Variants in METAP1 observed in about 807,000 individuals in gnomAD.
METAP1 encodes methionine aminopeptidase 1.
A neutral mutation model predicts 53.8 loss-of-function variants in METAP1; 28 were observed. That is an observed-to-expected ratio of 0.52 (90% CI 0.39 to 0.71). The LOEUF (loss-of-function observed/expected upper bound fraction) is 0.71. METAP1 is among the 30% of genes least tolerant of loss of function. METAP1 has a pLI of 0.00. For synonymous variants in METAP1, 181 were observed against 165.7 expected (o/e 1.09, Z -0.71); for missense variants, 389 against 479.8 (o/e 0.81, Z 1.77).
At chr4:99,052,579 A>G (rs771370668) in intron 9 of METAP1, among the ~76,000 whole-genome samples, 3 of 152,206 alleles carry the variant, frequency 2.0e-5, no homozygotes, top group Non-Finnish European at 4.4e-5. Context: ...ACTGTGCAGT[A>G]CCAAGGGAGG....
At chr4:99,047,099 A>G (rs1726323489) in intron 8 of METAP1, among the ~76,000 whole-genome samples, 1 of 152,112 alleles carries the variant, frequency 6.6e-6, no homozygotes, top group African/African-American at 2.4e-5. Flanking sequence ...TCCTTTGTAT[A>G]TATCATTTTT....
intron 1 of METAP1, among the ~76,000 whole-genome samples, chr4:98,999,114 T>C (rs1722797037): frequency 6.6e-6 from 1 of 151,980 alleles, no homozygotes; most frequent in African/African-American, 2.4e-5. Flanking sequence ...GCCGAGAATG[T>C]CTGTTTTTTA....
At chr4:99,021,647 G>A (rs62325182) in intron 1 of METAP1, among the ~76,000 whole-genome samples, 3,759 of 152,218 alleles carry the variant, frequency 0.025, 56 homozygotes, top group Non-Finnish European at 0.035. Flanking sequence ...AAAGGAGACA[G>A]GGACATTTAT....
At chr4:99,044,503 G>A (rs1045367039) in intron 7 of METAP1, among the ~76,000 whole-genome samples, 1 of 152,134 alleles carries the variant, frequency 6.6e-6, no homozygotes, top group Non-Finnish European at 1.5e-5. Flanking sequence ...TTTATTATAT[G>A]TAGAATGTGT....
At chr4:99,051,382 G>T (rs928096250) in intron 9 of METAP1, among the ~76,000 whole-genome samples, 1 of 152,030 alleles carries the variant, frequency 6.6e-6, no homozygotes, top group South Asian at 2.1e-4. Flanking sequence ...AAAGACCCAG[G>T]TGTACTTTAT....
chr4:99,012,165 T>C lies in METAP1; in HGVS notation c.114+16298T>C, dbSNP rs565624326. ...GTCCTTCCCACCTCAGTCTTCCTTATTGCCTATTAATTTCTAATATTTATT... is the reference window on the plus strand; with the variant it reads ...GTCCTTCCCACCTCAGTCTTCCTTACTGCCTATTAATTTCTAATATTTATT... On this transcript the variant is annotated intron_variant, in intron 1 of 10. Coordinates refer to ENST00000296411, the MANE Select transcript of METAP1 (RefSeq NM_015143.3). Among the ~76,000 whole-genome samples, 118 of 152,264 alleles carry C rather than the reference T, an allele frequency of 7.7e-4. 1 individual carries two copies. In the South Asian group the frequency reaches 0.023, roughly 30 times the overall value.
intron 1 of METAP1, among the ~76,000 whole-genome samples, chr4:99,021,572 G>C (rs550030144): frequency 3.3e-5 from 5 of 152,154 alleles, no homozygotes; most frequent in African/African-American, 9.6e-5. Context: ...CTCTCAGCAA[G>C]GCTAGTTTAC....
chr4:99,045,433 C>A, intron 8 of METAP1, 123 bp downstream of exon 8: 1 of 1,083,584 alleles, frequency 9.2e-7, no homozygotes, highest in Non-Finnish European at 1.3e-6. Flanking sequence ...CCTGAGTTAG[C>A]TTTGGTTGTT....
chr4:99,034,219 C>T lies in METAP1; in HGVS notation c.167-11C>T. On this transcript the variant is annotated splice_polypyrimidine_tract_variant and intron_variant, in intron 2 of 10. Transcript: ENST00000296411. ...CCTCCTTCCTCTCATATCTATTCCTCCGTCTCCCAGAAGATGAAAAGGCGA... is the reference window on the plus strand; with the variant it reads ...CCTCCTTCCTCTCATATCTATTCCTTCGTCTCCCAGAAGATGAAAAGGCGA... 1 of 1,488,440 alleles carries T rather than the reference C, an allele frequency of 6.7e-7. No individual in the cohort carries two copies. The highest frequency in any genetic ancestry group is 9.2e-7 in the Non-Finnish European group (1 of 1,089,726). 92.2% of individuals were successfully genotyped at this position (1,488,440 alleles called of 1,614,324 possible).
intron 1 of METAP1, among the ~76,000 whole-genome samples, chr4:99,003,734 A>G (rs1723029580): frequency 6.6e-6 from 1 of 152,210 alleles, no homozygotes; most frequent in South Asian, 2.1e-4. Context: ...CTGTTCTCAT[A>G]CCACAACAGT....
intron 1 of METAP1, among the ~76,000 whole-genome samples, chr4:99,000,602 G>T (rs1029977656): frequency 4.6e-5 from 7 of 150,982 alleles, no homozygotes; most frequent in African/African-American, 1.7e-4. Context: ...CCAATAATAG[G>T]TTCTTTAAAA....
At chr4:99,047,333 A>G (rs1297186759) in intron 8 of METAP1, among the ~76,000 whole-genome samples, 1 of 152,190 alleles carries the variant, frequency 6.6e-6, no homozygotes, top group Non-Finnish European at 1.5e-5. Flanking sequence ...TTTGACAACC[A>G]GAAATATTAA....
intron 2 of METAP1, among the ~76,000 whole-genome samples, chr4:99,031,878 A>G (rs1363145700): frequency 6.6e-6 from 1 of 152,214 alleles, no homozygotes; most frequent in East Asian, 1.9e-4. Flanking sequence ...CACTACCTGC[A>G]TTTTACCTGG....
intron 1 of METAP1, among the ~76,000 whole-genome samples, chr4:98,999,942 AG>A (rs1248130408): frequency 3.3e-5 from 5 of 152,148 alleles, no homozygotes; most frequent in Non-Finnish European, 5.9e-5. Flanking sequence ...CCTATTTAAT[AG>A]TTTATGTATG....
chr4:99,050,435 G>A (rs1409949578), intron 9 of METAP1, among the ~76,000 whole-genome samples: 1 of 152,222 alleles, frequency 6.6e-6, no homozygotes. Flanking sequence ...AGTTGTTGCT[G>A]TAGTGCAGGT....
At chr4:99,051,446 A>G (rs1019031755) in intron 9 of METAP1, among the ~76,000 whole-genome samples, 1 of 152,062 alleles carries the variant, frequency 6.6e-6, no homozygotes, top group Non-Finnish European at 1.5e-5. Context: ...GCTAAAGTGT[A>G]GTGGTGCAGT....
intron 1 of METAP1, among the ~76,000 whole-genome samples, chr4:99,016,422 C>T (rs1723770217): frequency 6.6e-6 from 1 of 152,074 alleles, no homozygotes; most frequent in South Asian, 2.1e-4. Flanking sequence ...AGGAGGGGTG[C>T]CACCGAATGT....
chr4:99,055,295 G>A (rs1727022401), intron 9 of METAP1, among the ~76,000 whole-genome samples: 1 of 151,938 alleles, frequency 6.6e-6, no homozygotes, highest in African/African-American at 2.4e-5. Flanking sequence ...GGAGCCTGAG[G>A]TGGGAGGATC....
chr4:99,056,696 G>A (rs1288918896), intron 9 of METAP1, among the ~76,000 whole-genome samples: 2 of 150,972 alleles, frequency 1.3e-5, no homozygotes, highest in Non-Finnish European at 2.9e-5. Flanking sequence ...TCAGCCTCCC[G>A]GTAGCTGGGA....
Sources: gnomAD v4.1 joint callset for allele counts (sites outside exome capture counted in the v4.1 genomes callset) on GRCh38, gnomAD v4.1.1 for gene constraint, MANE v1.5 for transcripts, NCBI Gene and HGNC (gene_info 2026-07-23, HGNC 2026-07-21) for gene names.